Variants in STAM2 observed in about 807,000 individuals in gnomAD.
STAM2 encodes signal transducing adapter molecule 2.
Under a neutral mutation model 65.6 loss-of-function variants are expected in STAM2, and 51 were observed. The ratio of observed to expected loss-of-function variants is 0.78; its 90% CI spans 0.62 to 0.98. STAM2 has a LOEUF of 0.98. Ranked by LOEUF, STAM2 falls within the 50% of genes least tolerant of loss-of-function variation. The pLI is 0.00. For missense variants in STAM2, 584 were observed against 617.8 expected (o/e 0.95, Z 0.58); for synonymous variants, 198 against 208.4 (o/e 0.95, Z 0.43).
At chr2:152,140,350 CACTCTGA>C (rs1689222840) in intron 7 of STAM2, among the ~76,000 whole-genome samples, 1 of 152,208 alleles carries the variant, frequency 6.6e-6, no homozygotes, top group Non-Finnish European at 1.5e-5. Context: ...AAAAACTCTG[CACTCTGA>C]GATAAAACAA....
chr2:152,157,040 C>G (rs893993767), intron 1 of STAM2, among the ~76,000 whole-genome samples: 2 of 152,082 alleles, frequency 1.3e-5, no homozygotes, highest in African/African-American at 4.8e-5. Context: ...GTGAGCCTCA[C>G]GATGGCCTCA....
intron 1 of STAM2, among the ~76,000 whole-genome samples, chr2:152,165,685 G>A (rs1262249482): frequency 6.6e-6 from 1 of 152,112 alleles, no homozygotes; most frequent in African/African-American, 2.4e-5. Context: ...ATAAGCTTTG[G>A]AGTAGTTCAC....
intron 1 of STAM2, among the ~76,000 whole-genome samples, chr2:152,160,053 T>G (rs1388639201): frequency 3.3e-5 from 5 of 152,172 alleles, no homozygotes; most frequent in Non-Finnish European, 7.4e-5. Context: ...CAGGCTGGAG[T>G]GCAGTGGCGT....
intron 1 of STAM2, among the ~76,000 whole-genome samples, chr2:152,174,415 C>T (rs765349485): frequency 6.6e-6 from 1 of 152,104 alleles, no homozygotes; most frequent in East Asian, 1.9e-4. Flanking sequence ...ACGCCAGTCA[C>T]CTGTATTCAT....
chr2:152,145,714 T>C (rs967354614), intron 5 of STAM2, among the ~76,000 whole-genome samples: 48 of 152,268 alleles, frequency 3.2e-4, no homozygotes, highest in African/African-American at 1.1e-3. Context: ...TCTAGGAATA[T>C]GTGTGAAGTC....
intron 2 of STAM2, among the ~76,000 whole-genome samples, chr2:152,148,763 T>A (rs1689382733): frequency 6.6e-6 from 1 of 152,188 alleles, no homozygotes; most frequent in Admixed American, 6.5e-5. Flanking sequence ...ATATTTTGTT[T>A]ATAGGCTCAT....
At position 152,168,973 on chromosome 2, in the gene STAM2, T is replaced by A. The variant is rs151230135; in HGVS notation, c.40+6630A>T. 9.2e-3 allele frequency among the ~76,000 whole-genome samples: 1,401 copies of A among 152,360 alleles called. 6 individuals are homozygous for A. The highest frequency in any genetic ancestry group is 0.013 in the Non-Finnish European group (909 of 68,028). ...TGAAAATCAAAAGTTTAGTAAAACT[T>A]GCAGAAGAAAATATGAAAATATCTG... is the stretch of plus-strand genomic sequence containing the variant. On this transcript the variant is annotated intron_variant, in intron 1 of 13. Transcript: ENST00000263904.
At chr2:152,141,897 G>A (rs963694179) in intron 7 of STAM2, among the ~76,000 whole-genome samples, 1 of 152,072 alleles carries the variant, frequency 6.6e-6, no homozygotes, top group South Asian at 2.1e-4. Context: ...CCAGCTCCAT[G>A]GTTCTTAAAT....
intron 11 of STAM2, among the ~76,000 whole-genome samples, chr2:152,128,008 A>G (rs1461253289): frequency 6.6e-6 from 1 of 152,148 alleles, no homozygotes; most frequent in Non-Finnish European, 1.5e-5. Flanking sequence ...TCCTATCAAG[A>G]TTTGTCACTT....
At position 152,133,392 on chromosome 2, in the gene STAM2, G is replaced by T; in HGVS notation, c.882+10C>A. ...GATAGTTTAACTATTAAACAAAAGA[G>T]GGACCCTACCTCATCTATATAAACA... On this transcript the variant is annotated intron_variant, in intron 9 of 13. Transcript: ENST00000263904. The T allele has an allele frequency of 6.2e-7, 1 of 1,603,616 alleles. No individual in the cohort carries two copies. Among genetic ancestry groups the T allele is most frequent in the Middle Eastern group, 1.7e-4 (1 of 6,034 alleles).
chr2:152,146,339 C>T (rs1689336908), intron 5 of STAM2, among the ~76,000 whole-genome samples: 2 of 150,318 alleles, frequency 1.3e-5, no homozygotes, highest in Admixed American at 6.6e-5. Flanking sequence ...AAATATAGTA[C>T]TTCTCATCGT....
chr2:152,120,838 C>A, intron 13 of STAM2, 36 bp from the exon 14 acceptor site: 3 of 1,521,304 alleles, frequency 2.0e-6, no homozygotes, highest in Non-Finnish European at 2.7e-6. Flanking sequence ...ACCATATTTA[C>A]TTTGCAATAT....
chr2:152,155,402 C>A (rs1390825640), intron 1 of STAM2, among the ~76,000 whole-genome samples: 1 of 152,192 alleles, frequency 6.6e-6, no homozygotes, highest in Non-Finnish European at 1.5e-5. Context: ...GCTGAGCATA[C>A]AAATATTCAA....
Position 152,123,930 on chromosome 2 carries a change from A to C in STAM2, c.1185T>G (p.Tyr395Ter). 1 of 1,613,434 alleles carries C rather than the reference A, an allele frequency of 6.2e-7. No individual in the cohort carries two copies. Among genetic ancestry groups the C allele is most frequent in the South Asian group, 1.1e-5 (1 of 90,830 alleles). ...PASSGVPMQTYPVQSHGGNYM... is the reference protein window; with the variant it reads ...PASSGVPMQT ...AGTTTCCACCATGTGATTGAACTGG[A>C]TATGTCTATTAATCAGAAAGAAAAA... The change falls in exon 13 of 14, where the codon TAT (tyrosine) becomes TAG (stop). Residue 395 changes from tyrosine (Y) to a stop codon, truncating the protein, a stop_gained. Coordinates refer to ENST00000263904, the MANE Select transcript of STAM2 (RefSeq NM_005843.6). LOFTEE classifies it high-confidence loss of function.
In STAM2 at chr2:152,126,251, G is replaced by A; in HGVS notation, c.1154C>T (p.Pro385Leu). Residue 385 changes from proline to leucine, a missense_variant, in exon 12 of 14, where the codon CCT (proline) becomes CTT (leucine). Transcript: ENST00000263904. ...CTGCATTGGAACCCCAGATGATGCA[G>A]GTGGGTAATGTGCTGGAGGGTGGAG... ...SKLHPPAHYPPASSGVPMQTY... is the reference protein window; with the variant it reads ...SKLHPPAHYPLASSGVPMQTY... 6.2e-7 allele frequency: 1 copy of A among 1,601,348 alleles called. No homozygotes were observed. Among genetic ancestry groups the A allele is most frequent in the Non-Finnish European group, 8.5e-7 (1 of 1,174,142 alleles).
At chr2:152,130,685 C>G (rs1689043020) in intron 11 of STAM2, among the ~76,000 whole-genome samples, 1 of 151,252 alleles carries the variant, frequency 6.6e-6, no homozygotes, top group Admixed American at 6.6e-5. Context: ...CAGCAAGACC[C>G]TGTCTTTAAA....
In STAM2 at chr2:152,117,276, C is replaced by G. The variant is rs1688764745; in HGVS notation, c.*3298G>C. On this transcript the variant is annotated 3_prime_UTR_variant, in exon 14 of 14. Coordinates refer to ENST00000263904, the MANE Select transcript of STAM2 (RefSeq NM_005843.6). ...CTGCAGCCTCAAGCAATACTCCCAC[C>G]TCAGCCTACTGACTAGCTGGGACTA... 1 of 152,138 alleles carries G rather than the reference C, an allele frequency of 6.6e-6. No homozygotes were observed. The highest frequency in any genetic ancestry group is 1.5e-5 in the Non-Finnish European group (1 of 68,034). 9.4% of individuals were successfully genotyped at this position (152,138 alleles called of 1,614,324 possible).
chr2:152,157,867 A>G (rs1262767693), intron 1 of STAM2, among the ~76,000 whole-genome samples: 1 of 152,232 alleles, frequency 6.6e-6, no homozygotes, highest in Non-Finnish European at 1.5e-5. Flanking sequence ...GATCCCCCCA[A>G]TAATATTACA....
Position 152,126,243 on chromosome 2 carries a change from A to G in STAM2, c.1162T>C (p.Ser388Pro), listed in dbSNP as rs1444687631. The stretch of plus-strand genomic sequence containing the variant: ...ATGCTCACCTGCATTGGAACCCCAG[A>G]TGATGCAGGTGGGTAATGTGCTGGA... Reference protein sequence around the residue: ...HPPAHYPPASSGVPMQTYPVQ... With the variant: ...HPPAHYPPASPGVPMQTYPVQ... Residue 388 changes from serine (S) to proline (P), a missense_variant, in exon 12 of 14, where the codon TCT becomes CCT. Coordinates refer to ENST00000263904, the MANE Select transcript of STAM2 (RefSeq NM_005843.6). 6.3e-6 allele frequency: 10 copies of G among 1,593,560 alleles called. No individual in the cohort carries two copies. Among genetic ancestry groups the G allele is most frequent in the Non-Finnish European group, 7.7e-6 (9 of 1,171,122 alleles).
Sources: gnomAD v4.1 joint callset for allele counts (sites outside exome capture counted in the v4.1 genomes callset) on GRCh38, gnomAD v4.1.1 for gene constraint, MANE v1.5 for transcripts, NCBI Gene and HGNC (gene_info 2026-07-23, HGNC 2026-07-21) for gene names.